The following PEX3 variants were observed in gnomAD, a reference collection of about 807,000 sequenced individuals.
PEX3 encodes the protein peroxisomal biogenesis factor 3, also known as peroxin-3.
Under a neutral mutation model 55.8 loss-of-function variants are expected in PEX3, and 30 were observed. The observed-to-expected ratio is 0.54, with a 90% CI of 0.40 to 0.73. PEX3 has a LOEUF of 0.73. Among genes scored for constraint, PEX3 ranks in the 30% least tolerant of loss-of-function variants. PEX3 has a pLI of 0.00. For synonymous variants in PEX3, 135 were observed against 148.4 expected, an observed-to-expected ratio of 0.91 and a Z score of 0.66; for missense variants, 351 against 432.8, an observed-to-expected ratio of 0.81 and a Z score of 1.68.
intron 10 of PEX3, among the ~76,000 whole-genome samples, chr6:143,481,395 G>A (rs1181193823): frequency 6.6e-6 from 1 of 151,912 alleles, no homozygotes; most frequent in East Asian, 1.9e-4. Flanking sequence ...ATACGTACTA[G>A]TATTCTTCAT....
chr6:143,478,518 A>G (rs1463246489), intron 9 of PEX3, among the ~76,000 whole-genome samples: 2 of 152,142 alleles, frequency 1.3e-5, no homozygotes, highest in Non-Finnish European at 2.9e-5. Flanking sequence ...AAATTGGAAC[A>G]TAACTAGGTA....
rs1455392273 is a variant in PEX3, at chr6:143,475,808, A to G, written c.818+952A>G. Among the ~76,000 whole-genome samples, 3 of 152,240 alleles carry G rather than the reference A, an allele frequency of 2.0e-5. No individual in the cohort carries two copies. Among genetic ancestry groups the G allele is most frequent in the Non-Finnish European group, 4.4e-5 (3 of 68,042 alleles). On this transcript the variant is annotated intron_variant, in intron 9 of 11. Coordinates refer to ENST00000367591, the MANE Select transcript of PEX3 (RefSeq NM_003630.3). The surrounding 1 kb of genome is among the most constrained non-coding windows in gnomAD (Gnocchi z 4.4). ...TGTATAGCCCTAGTCCTCCACCCTC[A>G]GGAGCTTGTCTGGATTGAAATTTCT...
At chr6:143,469,816 C>T (rs1459621905) in intron 4 of PEX3, among the ~76,000 whole-genome samples, 3 of 152,160 alleles carry the variant, frequency 2.0e-5, no homozygotes, top group African/African-American at 4.8e-5. Context: ...TTAGGTCTAA[C>T]ATTTAAGTCT....
At chr6:143,481,298 A>G (rs1780238496) in intron 10 of PEX3, among the ~76,000 whole-genome samples, 1 of 151,878 alleles carries the variant, frequency 6.6e-6, no homozygotes, top group African/African-American at 2.4e-5. Flanking sequence ...CAATAATAAT[A>G]GCAGCTAATA....
At position 143,486,551 on chromosome 6, in the gene PEX3, C is replaced by G. The variant is rs1780325589; in HGVS notation, c.1038+1303C>G. Among the ~76,000 whole-genome samples the G allele has an allele frequency of 6.6e-6, 1 of 152,084 alleles. No individual in the cohort carries two copies. ...ACTGGATGTATATTAAATGTATATA[C>G]TAGACCATTGATTGACAAGGCTATT... On this transcript the variant is annotated intron_variant, in intron 11 of 11. Coordinates refer to ENST00000367591, the MANE Select transcript of PEX3 (RefSeq NM_003630.3). This position sits in a 1 kb window ranked among gnomAD's most constrained non-coding sequence, Gnocchi z 5.0.
chr6:143,485,004 T>C lies in PEX3; in HGVS notation c.942-148T>C. The C allele has an allele frequency of 1.6e-6, 1 of 636,054 alleles. No homozygotes were observed. Among genetic ancestry groups the C allele is most frequent in the African/African-American group, 1.8e-5 (1 of 54,474 alleles). 39.4% of individuals were successfully genotyped at this position (636,054 alleles called of 1,614,324 possible). ...CATGATGTCAATTAGAGTTGTTATT[T>C]CTAAGCGATAGAATTGTGGGGTTTT... On this transcript the variant is annotated intron_variant, in intron 10 of 11. Transcript: ENST00000367591. This position sits in a 1 kb window ranked among gnomAD's most constrained non-coding sequence, Gnocchi z 5.6.
intron 4 of PEX3, among the ~76,000 whole-genome samples, chr6:143,470,264 C>T (rs540201102): frequency 6.6e-6 from 1 of 152,188 alleles, no homozygotes; most frequent in East Asian, 1.9e-4. Context: ...TTCTTATAAT[C>T]CTTATGACCA....
Position 143,486,954 on chromosome 6 carries a change from A to C in PEX3, c.1038+1706A>C, listed in dbSNP as rs1273865831. 6.6e-6 allele frequency among the ~76,000 whole-genome samples: 1 copy of C among 152,214 alleles called. No individual in the cohort carries two copies. The highest frequency in any genetic ancestry group is 1.5e-5 in the Non-Finnish European group (1 of 68,026). On this transcript the variant is annotated intron_variant, in intron 11 of 11. Coordinates refer to ENST00000367591, the MANE Select transcript of PEX3 (RefSeq NM_003630.3). This position sits in a 1 kb window ranked among gnomAD's most constrained non-coding sequence, Gnocchi z 5.0. ...AGTATGGCTGTTTCAACAAAACTTT[A>C]TATACAAAAACAGGCGGCAGTGGAT...
intron 1 of PEX3, among the ~76,000 whole-genome samples, chr6:143,455,359 A>ATTTTTTTTTTTTTTT (rs56788350): frequency 9.7e-5 from 7 of 71,968 alleles, no homozygotes; most frequent in Admixed American, 2.1e-4. Context: ...CGCCCGGCTA[A>ATTTTTTTTTTTTTTT]TTTTTTTTTT....
rs1279175713 is a variant in PEX3, at chr6:143,453,620, A to G, written c.73+2505A>G. Among the ~76,000 whole-genome samples the G allele has an allele frequency of 1.3e-5, 2 of 152,174 alleles. No homozygotes were observed. Among genetic ancestry groups the G allele is most frequent in the Non-Finnish European group, 2.9e-5 (2 of 68,034 alleles). Reference sequence around the variant, plus strand: ...CTTTGCTAGCTTTACAATGTAAGGCAAGTAGAAAGGCTTCCTTATGAAGAT... The same window carrying G: ...CTTTGCTAGCTTTACAATGTAAGGCGAGTAGAAAGGCTTCCTTATGAAGAT... On this transcript the variant is annotated intron_variant, in intron 1 of 11. Transcript: ENST00000367591. The surrounding 1 kb of genome is among the most constrained non-coding windows in gnomAD (Gnocchi z 4.6).
rs900405138 is a variant in PEX3, at chr6:143,483,369, A to T, written c.942-1783A>T. On this transcript the variant is annotated intron_variant, in intron 10 of 11. Coordinates refer to ENST00000367591, the MANE Select transcript of PEX3 (RefSeq NM_003630.3). The surrounding 1 kb of genome is among the most constrained non-coding windows in gnomAD (Gnocchi z 4.3). ...TAGAAAAATTTAAACAAAAGTAGAC[A>T]GTCAAGCAGTTTTCCTGAGGAAATA... Among the ~76,000 whole-genome samples, 3 of 152,212 alleles carry T rather than the reference A, an allele frequency of 2.0e-5. No homozygotes were observed. The highest frequency in any genetic ancestry group is 7.2e-5 in the African/African-American group (3 of 41,460).
rs368774822 is a variant in PEX3, at chr6:143,450,857, C to CTGTA, written c.-185_-182dup. 7.9e-6 allele frequency: 6 copies of CTGTA among 762,888 alleles called. No homozygotes were observed. In the African/African-American group the frequency reaches 1.0e-4, roughly 13 times the overall value. 47.3% of individuals were successfully genotyped at this position (762,888 alleles called of 1,614,324 possible). Reference sequence around the variant, plus strand: ...AGCGGCAGAAAGCGTAGCTGCTTTGCTGTAGTCCACGCCCCCTTGCCGCTC... The same window carrying CTGTA: ...AGCGGCAGAAAGCGTAGCTGCTTTGCTGTATGTAGTCCACGCCCCCTTGCCGCTC... On this transcript the variant is annotated 5_prime_UTR_variant, in exon 1 of 12. The change creates a new upstream start codon in the 5' untranslated region. Coordinates refer to ENST00000367591, the MANE Select transcript of PEX3 (RefSeq NM_003630.3).
chr6:143,473,099 G>A (rs1382601878), intron 8 of PEX3, among the ~76,000 whole-genome samples: 1 of 152,174 alleles, frequency 6.6e-6, no homozygotes, highest in Non-Finnish European at 1.5e-5. Context: ...AAAAGCCTTA[G>A]AACAGAGAGG....
At position 143,471,302 on chromosome 6, in the gene PEX3, T is replaced by C. The variant is rs1780069973; in HGVS notation, c.457-81T>C. 1.6e-6 allele frequency: 2 copies of C among 1,214,462 alleles called. No homozygotes were observed. The highest frequency in any genetic ancestry group is 2.4e-6 in the Non-Finnish European group (2 of 825,518). The allele number at this position is 1,214,462 out of a possible 1,614,324, so 75.2% of individuals were successfully genotyped here. On this transcript the variant is annotated intron_variant, in intron 5 of 11. Coordinates refer to ENST00000367591, the MANE Select transcript of PEX3 (RefSeq NM_003630.3). This position sits in a 1 kb window ranked among gnomAD's most constrained non-coding sequence, Gnocchi z 5.4. ...CCGTCATTTCAGATCTTGAAAAATC[T>C]CAGCCAAAGTTTTATTGAAAACATT...
Position 143,471,199 on chromosome 6 carries a change from T to C in PEX3, c.456+114T>C. 9.2e-7 allele frequency: 1 copy of C among 1,089,162 alleles called. No homozygotes were observed. The highest frequency in any genetic ancestry group is 1.4e-5 in the South Asian group (1 of 72,482). 67.5% of individuals were successfully genotyped at this position (1,089,162 alleles called of 1,614,324 possible). On this transcript the variant is annotated intron_variant, in intron 5 of 11. Coordinates refer to ENST00000367591, the MANE Select transcript of PEX3 (RefSeq NM_003630.3). This position sits in a 1 kb window ranked among gnomAD's most constrained non-coding sequence, Gnocchi z 5.4. ...ATAAATATTTTTATATTTCATGTGATTGTGAACTTTTAGTATTATGAATAA... is the reference window on the plus strand; with the variant it reads ...ATAAATATTTTTATATTTCATGTGACTGTGAACTTTTAGTATTATGAATAA...
chr6:143,484,962 C>A lies in PEX3; in HGVS notation c.942-190C>A, dbSNP rs892099963. ...AAAAACAAAGATATGTGTAAAAAAA[C>A]GCCAAAAGAAATTGGTCATGATGTC... On this transcript the variant is annotated intron_variant, in intron 10 of 11. Coordinates refer to ENST00000367591, the MANE Select transcript of PEX3 (RefSeq NM_003630.3). 10 of 560,024 alleles carry A rather than the reference C, an allele frequency of 1.8e-5. No homozygotes were observed. In the South Asian group the frequency reaches 2.1e-4, roughly 12 times the overall value. 34.7% of individuals were successfully genotyped at this position (560,024 alleles called of 1,614,324 possible).
chr6:143,450,861 A>G lies in PEX3; in HGVS notation c.-182A>G, dbSNP rs1027005392. ...GCAGAAAGCGTAGCTGCTTTGCTGTAGTCCACGCCCCCTTGCCGCTCCGGT... is the reference window on the plus strand; with the variant it reads ...GCAGAAAGCGTAGCTGCTTTGCTGTGGTCCACGCCCCCTTGCCGCTCCGGT... On this transcript the variant is annotated 5_prime_UTR_variant, in exon 1 of 12. Transcript: ENST00000367591. 3 of 766,070 alleles carry G rather than the reference A, an allele frequency of 3.9e-6. No individual in the cohort carries two copies. The highest frequency in any genetic ancestry group is 6.9e-6 in the Non-Finnish European group (3 of 437,344). 47.5% of individuals were successfully genotyped at this position (766,070 alleles called of 1,614,324 possible). A position where few individuals can be genotyped will look rare whatever the true frequency, so the allele number is the denominator to read the frequency against.
chr6:143,474,809 C>T lies in PEX3; in HGVS notation c.771C>T (p.Asp257=), dbSNP rs1170102224. ...AVQACGLSPR[D]ITTIKLLNET... ...AGGCCTGTGGACTTTCTCCTCGAGA[C>T]ATTACCACTATTAAACTTCTCAATG... is the stretch of plus-strand genomic sequence containing the variant. Residue 257 remains aspartate, a synonymous_variant, in exon 9 of 12, where the codon GAC becomes GAT. Coordinates refer to ENST00000367591, the MANE Select transcript of PEX3 (RefSeq NM_003630.3). 2 of 1,592,698 alleles carry T rather than the reference C, an allele frequency of 1.3e-6. No individual in the cohort carries two copies. Among genetic ancestry groups the T allele is most frequent in the Non-Finnish European group, 1.7e-6 (2 of 1,160,694 alleles).
At position 143,486,373 on chromosome 6, in the gene PEX3, T is replaced by G. The variant is rs116509424; in HGVS notation, c.1038+1125T>G. ...TTCATTTTGACAGATGAGTGGAAAT[T>G]ACAACCAAGCATAAAGCATCATCAG... On this transcript the variant is annotated intron_variant, in intron 11 of 11. Transcript: ENST00000367591. The surrounding 1 kb of genome is among the most constrained non-coding windows in gnomAD (Gnocchi z 5.0). 8.5e-5 allele frequency among the ~76,000 whole-genome samples: 13 copies of G among 152,244 alleles called. No homozygotes were observed. The highest frequency in any genetic ancestry group is 1.3e-4 in the Non-Finnish European group (9 of 67,992).
Sources: gnomAD v4.1 joint callset for allele counts (sites outside exome capture counted in the v4.1 genomes callset) on GRCh38, gnomAD v4.1.1 for gene constraint, Gnocchi (gnomAD v3.1) non-coding constraint, MANE v1.5 for transcripts, NCBI Gene and HGNC (gene_info 2026-07-23, HGNC 2026-07-21) for gene names.